The following ZFHX3 variants were observed in gnomAD, a reference collection of about 807,000 sequenced individuals.
The protein encoded by ZFHX3 is zinc finger homeobox protein 3.
In ZFHX3, 42 loss-of-function variants were observed where a neutral mutation model predicts 279.1. The ratio of observed to expected loss-of-function variants is 0.15; its 90% CI spans 0.12 to 0.19. The LOEUF (loss-of-function observed/expected upper bound fraction) is 0.19, where lower values mean the gene tolerates loss of function less well. Among genes scored for constraint, ZFHX3 ranks in the 10% least tolerant of loss-of-function variants. ZFHX3 has a pLI of 1.00. For synonymous variants in ZFHX3, 2,293 were observed against 1,957.8 expected (o/e 1.17, Z -4.52); for missense variants, 4,981 against 4,754.0 (o/e 1.05, Z -1.40).
chr16:72,915,521 C>T (rs189305318), intron 3 of ZFHX3, among the ~76,000 whole-genome samples: 5 of 152,276 alleles, frequency 3.3e-5, no homozygotes, highest in Admixed American at 3.3e-4. Flanking sequence ...CCCCGGCACT[C>T]CTGGATGCCA....
At chr16:73,057,916 C>A (rs1965596072) in intron 1 of ZFHX3, among the ~76,000 whole-genome samples, 1 of 148,294 alleles carries the variant, frequency 6.7e-6, no homozygotes, top group Admixed American at 6.7e-5. Context: ...TGCTCCGGGC[C>A]GGGTGCGCGC....
At chr16:72,974,817 C>A (rs558678484) in intron 1 of ZFHX3, among the ~76,000 whole-genome samples, 1 of 152,276 alleles carries the variant, frequency 6.6e-6, no homozygotes, top group East Asian at 1.9e-4. Context: ...TGGGCACCCT[C>A]GAGAGACCCC....
intron 3 of ZFHX3, among the ~76,000 whole-genome samples, chr16:73,379,324 C>T (rs2016780182): frequency 6.6e-6 from 1 of 152,054 alleles, no homozygotes; most frequent in African/African-American, 2.4e-5. Context: ...ACCCCCAAGC[C>T]CCAATCTCAG....
At chr16:73,700,701 T>G (rs2053238419) in intron 1 of ZFHX3, among the ~76,000 whole-genome samples, 1 of 152,226 alleles carries the variant, frequency 6.6e-6, no homozygotes, top group South Asian at 2.1e-4. Flanking sequence ...AGCGTGATTA[T>G]TTTTAAAGAA....
Position 73,423,245 on chromosome 16 carries a change from T to A in ZFHX3, c.-1291+32758A>T, listed in dbSNP as rs561685225. ...TCAAGAGCTGTTAGGGAAAAAAAAA[T>A]CAGAATTCCTTCAATTTTGCTGAGC... On this transcript the variant is annotated intron_variant, in intron 3 of 17. Coordinates refer to the ZFHX3 transcript ENST00000641206. Among the ~76,000 whole-genome samples, 256 of 142,168 alleles carry A rather than the reference T, an allele frequency of 1.8e-3. 1 individual carries two copies. Among genetic ancestry groups the A allele is most frequent in the African/African-American group, 6.2e-3 (235 of 37,962 alleles). The allele number at this position is 142,168 out of a possible 152,430, so 93.3% of individuals were successfully genotyped here. A position where few individuals can be genotyped will look rare whatever the true frequency, so the allele number is the denominator to read the frequency against.
At position 72,796,344 on chromosome 16, in the gene ZFHX3, T is replaced by C; in HGVS notation, c.6338A>G (p.Gln2113Arg). 1 of 1,613,994 alleles carries C rather than the reference T, an allele frequency of 6.2e-7. No homozygotes were observed. The highest frequency in any genetic ancestry group is 8.5e-7 in the Non-Finnish European group (1 of 1,179,994). The change falls in exon 9 of 10, where the codon CAG becomes CGG. Residue 2113 changes from glutamine (Q) to arginine (R), a missense_variant. Around this residue, in one of 7 missense-constraint regions of ZFHX3, gnomAD observed 1,751 missense variants for 1,770.0 expected, o/e 0.99. Transcript: ENST00000268489. ...CACAGGTCCCAGCTGCGGGGGTAGC[T>C]GAGCCGGCAAGGTCTGCAGCGGCAT... Reference protein sequence around the residue: ...QTMPLQTLPAQLPPQLGPVEP... With the variant: ...QTMPLQTLPARLPPQLGPVEP...
At chr16:73,646,379 T>G (rs2052618543) in intron 2 of ZFHX3, among the ~76,000 whole-genome samples, 1 of 152,104 alleles carries the variant, frequency 6.6e-6, no homozygotes, top group Non-Finnish European at 1.5e-5. Context: ...AGATCAAAAT[T>G]TATTATTTAT....
rs773521661 is a variant in ZFHX3 at position 72,958,665 on chromosome 16, A to G, written c.1481T>C (p.Leu494Pro). ...EEEEDEGCKG[L>P]FPSELDEELE... ...TTCCTCATCCAACTCGCTTGGAAAG[A>G]GTCCTTTGCAACCCTCGTCTTCCTC... Residue 494 changes from leucine to proline, a missense_variant, in exon 2 of 10, where the codon CTC becomes CCC. Leu to Pro is a moderately conservative substitution (Grantham distance 98). Transcript: ENST00000268489. 16 of 1,613,446 alleles carry G rather than the reference A, an allele frequency of 9.9e-6. No homozygotes were observed. The highest frequency in any genetic ancestry group is 1.1e-5 in the Non-Finnish European group (13 of 1,179,790).
intron 7 of ZFHX3, among the ~76,000 whole-genome samples, chr16:73,096,181 C>T (rs1388622311): frequency 6.6e-6 from 1 of 152,076 alleles, no homozygotes; most frequent in Non-Finnish European, 1.5e-5. Flanking sequence ...TGCCTGCCTG[C>T]TCCGGCTGCC....
chr16:73,765,005 C>T (rs2053914547), intron 1 of ZFHX3, among the ~76,000 whole-genome samples: 1 of 152,124 alleles, frequency 6.6e-6, no homozygotes, highest in Non-Finnish European at 1.5e-5. Context: ...TTTTCCCATC[C>T]CCATTTTTCT....
intron 1 of ZFHX3, among the ~76,000 whole-genome samples, chr16:73,035,953 C>T (rs1330207696): frequency 6.6e-6 from 1 of 152,196 alleles, no homozygotes; most frequent in African/African-American, 2.4e-5. Flanking sequence ...ACCAGGACTA[C>T]CCACGAGGCT....
intron 5 of ZFHX3, among the ~76,000 whole-genome samples, chr16:73,190,318 C>T (rs1305765733): frequency 6.6e-6 from 1 of 152,170 alleles, no homozygotes; most frequent in African/African-American, 2.4e-5. Flanking sequence ...CCCATCCCCA[C>T]TATGATGCAA....
At chr16:72,878,011 A>G in intron 4 of ZFHX3, among the ~76,000 whole-genome samples, 1 of 152,034 alleles carries the variant, frequency 6.6e-6, no homozygotes, top group African/African-American at 2.4e-5. Context: ...CCCTGACAAC[A>G]TAGTGAGACC....
At chr16:73,361,103 C>G (rs550507254) in intron 3 of ZFHX3, among the ~76,000 whole-genome samples, 5 of 152,346 alleles carry the variant, frequency 3.3e-5, no homozygotes, top group Non-Finnish European at 7.3e-5. Context: ...TGCCACATTG[C>G]ATGCCTAAGT....
chr16:73,289,711 T>G (rs575340564), intron 4 of ZFHX3, among the ~76,000 whole-genome samples: 38 of 152,128 alleles, frequency 2.5e-4, no homozygotes, highest in African/African-American at 8.9e-4. Flanking sequence ...TGGTCAGTGG[T>G]GGCTAAAGAG....
In ZFHX3 at chr16:73,397,779, G is replaced by T. The variant is rs114717176; in HGVS notation, c.-1291+58224C>A. Among the ~76,000 whole-genome samples the T allele has an allele frequency of 1.3e-3, 200 of 148,756 alleles. 1 individual carries two copies. The highest frequency in any genetic ancestry group is 4.8e-3 in the African/African-American group (194 of 40,750). ...GAGCAGGTGGGCAGTGGTGGTATTT[G>T]TTAAGCTGGGCAAGACTTTGGGGGG... On this transcript the variant is annotated intron_variant, in intron 3 of 17. Transcript: ENST00000641206.
chr16:72,800,548 G>A (rs890892461), intron 7 of ZFHX3, among the ~76,000 whole-genome samples: 2 of 152,136 alleles, frequency 1.3e-5, no homozygotes, highest in Non-Finnish European at 2.9e-5. Flanking sequence ...TAATCTTGAA[G>A]CAGGGAGCAT....
chr16:73,526,886 A>G (rs1291036257), intron 2 of ZFHX3, among the ~76,000 whole-genome samples: 1 of 151,780 alleles, frequency 6.6e-6, no homozygotes, highest in African/African-American at 2.4e-5. Context: ...CTTCTTATCT[A>G]GTATTCGGTA....
intron 9 of ZFHX3, chr16:72,790,182 G>A (rs554223710): frequency 6.6e-6 from 1 of 152,558 alleles, no homozygotes; most frequent in East Asian, 1.9e-4. Flanking sequence ...CTTCAGGTGT[G>A]TTGAGACTAG....
Sources: allele counts gnomAD v4.1 joint callset (sites outside exome capture counted in the v4.1 genomes callset), GRCh38; gene constraint gnomAD v4.1.1; regional missense constraint gnomAD v4.1.1; transcripts MANE v1.5; gene names NCBI Gene and HGNC (gene_info 2026-07-23, HGNC 2026-07-21).